The following PRUNE2 variants were observed in gnomAD, a reference collection of about 807,000 sequenced individuals.
PRUNE2 encodes prune homolog 2 with BCH domain.
PRUNE2 carries 164 observed loss-of-function variants against 252.0 expected under a neutral mutation model. The observed-to-expected ratio is 0.65, with a 90% CI of 0.57 to 0.74. The LOEUF is 0.74. Ranked by LOEUF, PRUNE2 falls within the 30% of genes least tolerant of loss-of-function variation. PRUNE2 has a pLI of 0.00. For missense variants in PRUNE2, 3,495 were observed against 3,711.0 expected (o/e 0.94, Z 1.51); for synonymous variants, 1,292 against 1,350.2 (o/e 0.96, Z 0.94).
chr9:76,876,457 G>C (rs145371623), intron 1 of PRUNE2, among the ~76,000 whole-genome samples: 1 of 152,242 alleles, frequency 6.6e-6, no homozygotes, highest in African/African-American at 2.4e-5. Context: ...CAGGCAATGG[G>C]TGATATTGAT....
chr9:76,671,465 T>G (rs897966230), intron 9 of PRUNE2, among the ~76,000 whole-genome samples: 162 of 151,662 alleles, frequency 1.1e-3, no homozygotes, highest in African/African-American at 3.8e-3. Context: ...TGGAACCAAG[T>G]TGGAAAACAC....
chr9:76,709,939 G>A lies in PRUNE2; in HGVS notation c.2335C>T (p.Pro779Ser). ...TCTGTAGGATTTCCCCAGGGCTCGG[G>A]CATGGCTGTGGGAGAGCGACCAGAA... ...WHSGRSPTAM[P>S]EPWGNPTDDG... The change falls in exon 8 of 19, where the codon CCC becomes TCC. Residue 779 changes from proline (P) to serine (S), a missense_variant. By Grantham distance (74) the Pro-to-Ser change is moderately conservative. Transcript: ENST00000376718. 1.9e-6 allele frequency: 3 copies of A among 1,613,772 alleles called. No homozygotes were observed. The highest frequency in any genetic ancestry group is 2.5e-6 in the Non-Finnish European group (3 of 1,179,802).
At chr9:76,671,953 A>C (rs1222294162) in intron 9 of PRUNE2, among the ~76,000 whole-genome samples, 1 of 152,192 alleles carries the variant, frequency 6.6e-6, no homozygotes, top group Non-Finnish European at 1.5e-5. Flanking sequence ...AAATCATGCC[A>C]AAATGTAAAG....
intron 1 of PRUNE2, among the ~76,000 whole-genome samples, chr9:76,898,240 T>G (rs141553907): frequency 2.0e-5 from 3 of 152,202 alleles, no homozygotes; most frequent in Non-Finnish European, 4.4e-5. Context: ...CAACTCATAC[T>G]CTAGGAAAAT....
In PRUNE2 at chr9:76,846,257, G is replaced by A. The variant is rs74644095; in HGVS notation, c.508+258C>T. Among the ~76,000 whole-genome samples the A allele has an allele frequency of 2.0e-5, 3 of 152,172 alleles. No individual in the cohort carries two copies. In the East Asian group the frequency reaches 5.8e-4, roughly 29 times the overall value. On this transcript the variant is annotated intron_variant, in intron 4 of 18. Transcript: ENST00000376718. ...GGTGCTATTCCAGCTCCCTAACAGA[G>A]GTGCAGCAGTTCCATTTAATATTCT...
chr9:76,728,493 T>A (rs905158909), intron 6 of PRUNE2, among the ~76,000 whole-genome samples: 8 of 152,242 alleles, frequency 5.3e-5, no homozygotes, highest in African/African-American at 1.9e-4. Flanking sequence ...CAGGAGTCTG[T>A]ATTGACATAA....
chr9:76,818,992 T>A (rs2057867947), intron 6 of PRUNE2, among the ~76,000 whole-genome samples: 1 of 152,178 alleles, frequency 6.6e-6, no homozygotes. Flanking sequence ...GGCTCATGCC[T>A]GTAATCCCAG....
intron 11 of PRUNE2, among the ~76,000 whole-genome samples, chr9:76,645,926 C>T (rs964896989): frequency 2.6e-5 from 4 of 152,134 alleles, no homozygotes; most frequent in Non-Finnish European, 5.9e-5. Flanking sequence ...GTACCAGGTA[C>T]TAGTTGGTAT....
At chr9:76,797,397 G>C (rs994699368) in intron 6 of PRUNE2, among the ~76,000 whole-genome samples, 2 of 152,162 alleles carry the variant, frequency 1.3e-5, no homozygotes, top group African/African-American at 2.4e-5. Context: ...TTGTTTGTTT[G>C]TTTGGTTAGT....
intron 9 of PRUNE2, among the ~76,000 whole-genome samples, chr9:76,669,039 C>G (rs935774127): frequency 2.0e-5 from 3 of 151,720 alleles, no homozygotes; most frequent in African/African-American, 7.3e-5. Flanking sequence ...AGACACCAAT[C>G]CTACTGGATT....
At chr9:76,891,792 G>A (rs1589800549) in intron 1 of PRUNE2, among the ~76,000 whole-genome samples, 1 of 152,216 alleles carries the variant, frequency 6.6e-6, no homozygotes, top group East Asian at 1.9e-4. Flanking sequence ...GAGAATCTAC[G>A]CCCACCTCTG....
In PRUNE2 at chr9:76,644,906, G is replaced by T. The variant is rs977512026; in HGVS notation, c.8561C>A (p.Pro2854His). ...TTGGCCAGAATCTTTGTTGGCTGTG[G>T]GATCTTCTGGAAACAAAGCACAGAG... is the stretch of plus-strand genomic sequence containing the variant. ...ADSFEYTGHD[P>H]TANKDSGQES... The change falls in exon 12 of 19, where the codon CCC (proline) becomes CAC (histidine). Residue 2854 changes from proline (P) to histidine (H), a missense_variant. Transcript: ENST00000376718. The T allele has an allele frequency of 5.6e-6, 9 of 1,612,884 alleles. No homozygotes were observed. The highest frequency in any genetic ancestry group is 7.6e-6 in the Non-Finnish European group (9 of 1,179,418).
chr9:76,819,615 C>T (rs1433773528), intron 6 of PRUNE2: 10 of 152,204 alleles, frequency 6.6e-5, no homozygotes, highest in Admixed American at 1.3e-4. Flanking sequence ...TGATACAGCA[C>T]ATACACAAGA....
intron 6 of PRUNE2, among the ~76,000 whole-genome samples, chr9:76,796,658 T>G (rs1380416860): frequency 6.6e-6 from 1 of 152,252 alleles, no homozygotes; most frequent in Non-Finnish European, 1.5e-5. Flanking sequence ...TCAACTTGAC[T>G]GCCACATGGG....
chr9:76,862,962 C>T (rs1215901106), intron 1 of PRUNE2: 2 of 152,164 alleles, frequency 1.3e-5, no homozygotes, highest in Admixed American at 1.3e-4. Flanking sequence ...CTGCTTTGCA[C>T]ACAGTAAGTG....
chr9:76,879,995 G>A lies in PRUNE2; in HGVS notation c.37-25787C>T, dbSNP rs1400451028. 3.0e-5 allele frequency among the ~76,000 whole-genome samples: 4 copies of A among 134,374 alleles called. No individual in the cohort carries two copies. In the East Asian group the frequency reaches 7.4e-4, roughly 25 times the overall value. The allele number at this position is 134,374 out of a possible 152,430, so 88.2% of individuals were successfully genotyped here. ...GTGGTGCAATCTCGACTCACTGCAA[G>A]CTCCGCCTCTGGTGTTCATGCCATT... On this transcript the variant is annotated intron_variant, in intron 1 of 18. Transcript: ENST00000376718.
At chr9:76,719,674 G>A (rs907048355) in intron 6 of PRUNE2, among the ~76,000 whole-genome samples, 1 of 151,660 alleles carries the variant, frequency 6.6e-6, no homozygotes, top group African/African-American at 2.4e-5. Context: ...CAGAGTTGGG[G>A]TCTTACTCTG....
chr9:76,646,981 G>A (rs1295779754), intron 11 of PRUNE2, among the ~76,000 whole-genome samples: 1 of 152,072 alleles, frequency 6.6e-6, no homozygotes, highest in Non-Finnish European at 1.5e-5. Flanking sequence ...TGAGCTCAGG[G>A]GTTCAAGACC....
chr9:76,667,818 A>G (rs2040486988), intron 9 of PRUNE2, among the ~76,000 whole-genome samples: 1 of 152,234 alleles, frequency 6.6e-6, no homozygotes, highest in Non-Finnish European at 1.5e-5. Context: ...CATGCTCTAC[A>G]GTTTCTGTGG....
Sources: allele counts gnomAD v4.1 joint callset (sites outside exome capture counted in the v4.1 genomes callset), GRCh38; gene constraint gnomAD v4.1.1; transcripts MANE v1.5; gene names NCBI Gene and HGNC (gene_info 2026-07-23, HGNC 2026-07-21).